CCM2: variants seen among roughly 807,000 people sequenced by gnomAD.
CCM2 encodes cerebral cavernous malformations 2 protein.
A neutral mutation model predicts 44.9 loss-of-function variants in CCM2; 25 were observed. That is an observed-to-expected ratio of 0.56 (90% CI 0.41 to 0.78). The LOEUF (loss-of-function observed/expected upper bound fraction) is 0.78, where lower values mean the gene tolerates loss of function less well. Among genes scored for constraint, CCM2 ranks in the 30% least tolerant of loss-of-function variants. The pLI is 0.00. For synonymous variants in CCM2, 219 were observed against 241.1 expected (o/e 0.91, Z 0.85); for missense variants, 481 against 580.6 (o/e 0.83, Z 1.76).
intron 1 of CCM2, chr7:45,027,413 G>T: frequency 2.0e-6 from 1 of 510,736 alleles, no homozygotes; most frequent in Non-Finnish European, 3.5e-6. Flanking sequence ...TCTGTTGACT[G>T]CAGAATTTCT....
chr7:45,004,345 C>T (rs1410873460), intron 1 of CCM2, among the ~76,000 whole-genome samples: 1 of 152,132 alleles, frequency 6.6e-6, no homozygotes, highest in East Asian at 1.9e-4. Context: ...ATTTGCTTTA[C>T]TCAAAATAGA....
chr7:45,008,345 G>T (rs1795929907), intron 1 of CCM2, among the ~76,000 whole-genome samples: 1 of 148,316 alleles, frequency 6.7e-6, no homozygotes. Flanking sequence ...GCCTGGCCAA[G>T]GGTACATGTT....
intron 2 of CCM2, among the ~76,000 whole-genome samples, chr7:45,046,913 G>C (rs751019605): frequency 6.6e-6 from 1 of 151,330 alleles, no homozygotes; most frequent in Admixed American, 6.6e-5. Flanking sequence ...ATAAGCAAAA[G>C]ACAGGAGGAG....
chr7:45,059,766 A>T (rs1008927436), intron 2 of CCM2, among the ~76,000 whole-genome samples: 2 of 152,172 alleles, frequency 1.3e-5, no homozygotes, highest in Non-Finnish European at 2.9e-5. Flanking sequence ...ATATATATAT[A>T]TTTATTTTAG....
rs1327621114 is a variant in CCM2, at chr7:45,000,370, G to C, written c.30+7G>C. On this transcript the variant is annotated splice_region_variant and intron_variant, in intron 1 of 9. Transcript: ENST00000258781. ...GGGCAAGAAGGGCAAGAAGGTGAGC[G>C]TGCGCGGGGGCGTCCTACTGCTGTG... The C allele has an allele frequency of 4.6e-6, 6 of 1,299,986 alleles. No homozygotes were observed. The highest frequency in any genetic ancestry group is 3.4e-5 in the Admixed American group (1 of 29,516). The allele number at this position is 1,299,986 out of a possible 1,614,324, so 80.5% of individuals were successfully genotyped here. A position where few individuals can be genotyped will look rare whatever the true frequency, so the allele number is the denominator to read the frequency against.
intron 1 of CCM2, among the ~76,000 whole-genome samples, chr7:45,005,124 A>C (rs150357687): frequency 6.6e-6 from 1 of 152,152 alleles, no homozygotes; most frequent in East Asian, 1.9e-4. Flanking sequence ...TTGGGTAGCT[A>C]TTGCAGTGAT....
At position 45,061,836 on chromosome 7, in the gene CCM2, G is replaced by A. The variant is rs144446382; in HGVS notation, c.205-2082G>A. Among the ~76,000 whole-genome samples the A allele has an allele frequency of 1.3e-4, 20 of 152,246 alleles. No individual in the cohort carries two copies. The East Asian group carries it at 3.7e-3, about 28-fold the overall frequency. ...TTCCCTCCTCCTACCAGAGTATGAG[G>A]AGATGTTTCTCCAGTCTCACCCTGA... On this transcript the variant is annotated intron_variant, in intron 2 of 9. Transcript: ENST00000258781.
Position 45,020,100 on chromosome 7 carries a change from G to T in CCM2, c.31-18153G>T, listed in dbSNP as rs1796425967. 2.0e-5 allele frequency among the ~76,000 whole-genome samples: 3 copies of T among 150,974 alleles called. No individual in the cohort carries two copies. The South Asian group carries it at 6.2e-4, about 31-fold the overall frequency. On this transcript the variant is annotated intron_variant, in intron 1 of 9. Coordinates refer to ENST00000258781, the MANE Select transcript of CCM2 (RefSeq NM_031443.4). Reference sequence around the variant, plus strand: ...TTTAACCTGTCAGGCCAATAAAATTGCAGCTTTTTTTTCTCTGCTCCACTC... The same window carrying T: ...TTTAACCTGTCAGGCCAATAAAATTTCAGCTTTTTTTTCTCTGCTCCACTC...
intron 2 of CCM2, among the ~76,000 whole-genome samples, chr7:45,040,422 ACAAAG>A (rs1797434936): frequency 6.6e-6 from 1 of 152,182 alleles, no homozygotes; most frequent in African/African-American, 2.4e-5. Context: ...TATTCAAAAA[ACAAAG>A]AAGGTTAATA....
chr7:45,029,795 G>A (rs1261254729), intron 1 of CCM2, among the ~76,000 whole-genome samples: 1 of 152,216 alleles, frequency 6.6e-6, no homozygotes, highest in Non-Finnish European at 1.5e-5. Flanking sequence ...TTTGTGTGAG[G>A]AGGGCATTCT....
intron 2 of CCM2, among the ~76,000 whole-genome samples, chr7:45,056,184 CT>C (rs1339347170): frequency 6.6e-6 from 1 of 152,122 alleles, no homozygotes; most frequent in Non-Finnish European, 1.5e-5. Flanking sequence ...GCTTTTATTT[CT>C]TTTGTATATA....
chr7:45,048,055 A>G (rs1797841451), intron 2 of CCM2, among the ~76,000 whole-genome samples: 1 of 150,182 alleles, frequency 6.7e-6, no homozygotes, highest in African/African-American at 2.4e-5. Flanking sequence ...GAATGGTGAT[A>G]CAATTGGAAG....
At position 45,075,973 on chromosome 7, in the gene CCM2, G is replaced by C. The variant is rs1451017039; in HGVS notation, c.1251G>C (p.Glu417Asp). ...GSSDDRSAPSEGDEWDRMISD... is the reference protein window; with the variant it reads ...GSSDDRSAPSDGDEWDRMISD... ...CTGATGACCGGTCGGCACCCTCAGA[G>C]GGGGATGAGTGGGACCGCATGATCT... The change falls in exon 10 of 10, where the codon GAG (glutamate) becomes GAC (aspartate). Residue 417 changes from glutamate (E) to aspartate (D), a missense_variant. By Grantham distance (45) the Glu-to-Asp change is conservative. Coordinates refer to ENST00000258781, the MANE Select transcript of CCM2 (RefSeq NM_031443.4). 1 of 1,613,196 alleles carries C rather than the reference G, an allele frequency of 6.2e-7. No individual in the cohort carries two copies. Among genetic ancestry groups the C allele is most frequent in the South Asian group, 1.1e-5 (1 of 91,088 alleles).
At chr7:45,022,258 C>T (rs1345829562) in intron 1 of CCM2, among the ~76,000 whole-genome samples, 1 of 119,308 alleles carries the variant, frequency 8.4e-6, no homozygotes, top group Non-Finnish European at 1.7e-5. Context: ...TAGTATGTTT[C>T]ATGTGGGGAT....
chr7:45,072,666 CA>C, intron 6 of CCM2, 59 bp from the exon 7 acceptor site: 1 of 1,346,676 alleles, frequency 7.4e-7, no homozygotes, highest in Non-Finnish European at 1.1e-6. Context: ...GGGCTGGACT[CA>C]AAATGCCTCC....
At position 45,000,379 on chromosome 7, in the gene CCM2, G is replaced by C; in HGVS notation, c.30+16G>C. On this transcript the variant is annotated intron_variant, in intron 1 of 9. Transcript: ENST00000258781. ...GGGCAAGAAGGTGAGCGTGCGCGGG[G>C]GCGTCCTACTGCTGTGGTCGGCGGG... 7.7e-7 allele frequency: 1 copy of C among 1,290,636 alleles called. No individual in the cohort carries two copies. The highest frequency in any genetic ancestry group is 9.9e-7 in the Non-Finnish European group (1 of 1,011,946). The allele number at this position is 1,290,636 out of a possible 1,614,324, so 79.9% of individuals were successfully genotyped here. A position where few individuals can be genotyped will look rare whatever the true frequency, so the allele number is the denominator to read the frequency against.
In CCM2 at chr7:45,012,128, ATC is replaced by A. The variant is rs1796088113; in HGVS notation, c.30+11767_30+11768del. 2.4e-5 allele frequency among the ~76,000 whole-genome samples: 3 copies of A among 126,588 alleles called. No homozygotes were observed. The South Asian group carries it at 7.6e-4, about 32-fold the overall frequency. 83.0% of individuals were successfully genotyped at this position (126,588 alleles called of 152,430 possible). A position where few individuals can be genotyped will look rare whatever the true frequency, so the allele number is the denominator to read the frequency against. On this transcript the variant is annotated intron_variant, in intron 1 of 9. Coordinates refer to ENST00000258781, the MANE Select transcript of CCM2 (RefSeq NM_031443.4). Reference sequence around the variant, plus strand: ...GTACATACACATTTAGGATCATAATATCTTTTTTTTTTTTTTTTTTTTGAGAT... The same window carrying A: ...GTACATACACATTTAGGATCATAATATTTTTTTTTTTTTTTTTTTTGAGAT...
chr7:45,002,861 A>G (rs1795699101), intron 1 of CCM2, among the ~76,000 whole-genome samples: 1 of 152,064 alleles, frequency 6.6e-6, no homozygotes, highest in Non-Finnish European at 1.5e-5. Flanking sequence ...TGGATCACTC[A>G]TGGGTCCATC....
In CCM2 at chr7:45,038,321, T is replaced by G; in HGVS notation, c.99T>G (p.His33Gln). ...AAAAGAGTAGAGATAAGAAAGCCCA[T>G]GAGAAGGTGACAGAGAGGCGCCCTC... Reference protein sequence around the residue: ...KGEKSRDKKAHEKVTERRPLH... With the variant: ...KGEKSRDKKAQEKVTERRPLH... Residue 33 changes from histidine (H) to glutamine (Q), a missense_variant, in exon 2 of 10, where the codon CAT (histidine) becomes CAG (glutamine). Transcript: ENST00000258781. 1 of 1,614,148 alleles carries G rather than the reference T, an allele frequency of 6.2e-7. No homozygotes were observed. The highest frequency in any genetic ancestry group is 8.5e-7 in the Non-Finnish European group (1 of 1,180,040).
Sources: gnomAD v4.1 joint callset for allele counts (sites outside exome capture counted in the v4.1 genomes callset) on GRCh38, gnomAD v4.1.1 for gene constraint, MANE v1.5 for transcripts, NCBI Gene and HGNC (gene_info 2026-07-23, HGNC 2026-07-21) for gene names.